Variants in PRKN observed in about 807,000 individuals in gnomAD.
PRKN encodes E3 ubiquitin-protein ligase parkin.
Under a neutral mutation model 59.5 loss-of-function variants are expected in PRKN, and 56 were observed. The observed-to-expected ratio is 0.94, with a 90% CI of 0.76 to 1.18. The LOEUF (loss-of-function observed/expected upper bound fraction) is 1.18. Among genes scored for constraint, PRKN ranks in the 50% most tolerant of loss-of-function variants. PRKN has a pLI of 0.00. For missense variants in PRKN, 657 were observed against 596.4 expected (o/e 1.10, Z -1.06); for synonymous variants, 250 against 222.1 (o/e 1.13, Z -1.12).
At chr6:162,605,486 A>G (rs1781875244) in intron 1 of PRKN, among the ~76,000 whole-genome samples, 1 of 152,150 alleles carries the variant, frequency 6.6e-6, no homozygotes, top group South Asian at 2.1e-4. Flanking sequence ...TTAATTTAAA[A>G]CTAAAATTCT....
chr6:162,403,317 T>A (rs1562736870), intron 2 of PRKN, among the ~76,000 whole-genome samples: 1 of 151,976 alleles, frequency 6.6e-6, no homozygotes, highest in African/African-American at 2.4e-5. Flanking sequence ...ATCTCATTCT[T>A]CCCCATGCAG....
At chr6:161,813,911 T>C (rs1791661589) in intron 6 of PRKN, among the ~76,000 whole-genome samples, 1 of 152,252 alleles carries the variant, frequency 6.6e-6, no homozygotes, top group Admixed American at 6.5e-5. Context: ...TTCATCTTTG[T>C]CATTAAAGCA....
chr6:162,481,677 C>T (rs1014753571), intron 1 of PRKN, among the ~76,000 whole-genome samples: 1 of 152,108 alleles, frequency 6.6e-6, no homozygotes, highest in Non-Finnish European at 1.5e-5. Flanking sequence ...TCTATTAGTC[C>T]TAAGCCATTT....
At chr6:162,558,179 T>G (rs1349772721) in intron 1 of PRKN, among the ~76,000 whole-genome samples, 1 of 152,204 alleles carries the variant, frequency 6.6e-6, no homozygotes, top group Non-Finnish European at 1.5e-5. Flanking sequence ...GTGACTATTA[T>G]GCCATCATCT....
intron 4 of PRKN, among the ~76,000 whole-genome samples, chr6:162,117,692 G>T (rs1054280354): frequency 2.6e-5 from 4 of 152,204 alleles, no homozygotes; most frequent in African/African-American, 9.7e-5. Context: ...TCCCAACACA[G>T]GTTCCAGGCT....
intron 9 of PRKN, among the ~76,000 whole-genome samples, chr6:161,519,371 G>C (rs781270133): frequency 2.0e-5 from 3 of 152,132 alleles, no homozygotes; most frequent in Non-Finnish European, 4.4e-5. Context: ...AAATGCAGAC[G>C]CCAATTACTC....
At chr6:161,993,100 T>C (rs1317759036) in intron 5 of PRKN, among the ~76,000 whole-genome samples, 1 of 151,514 alleles carries the variant, frequency 6.6e-6, no homozygotes, top group Non-Finnish European at 1.5e-5. Context: ...AAAGAAATAA[T>C]AAAGACCAGA....
chr6:162,409,448 C>T (rs560666786), intron 2 of PRKN, among the ~76,000 whole-genome samples: 2 of 152,076 alleles, frequency 1.3e-5, no homozygotes, highest in Admixed American at 6.6e-5. Flanking sequence ...TGCACCACCA[C>T]GCCCAGACCC....
intron 4 of PRKN, among the ~76,000 whole-genome samples, chr6:162,191,012 G>A (rs531013227): frequency 1.3e-5 from 2 of 152,142 alleles, no homozygotes; most frequent in Non-Finnish European, 2.9e-5. Flanking sequence ...GAGAAAAGTA[G>A]CATTTCACAC....
chr6:161,968,342 G>A (rs1210630075), intron 6 of PRKN, among the ~76,000 whole-genome samples: 1 of 151,944 alleles, frequency 6.6e-6, no homozygotes, highest in Non-Finnish European at 1.5e-5. Flanking sequence ...CCCAGCCTCA[G>A]TGTAGAGTCT....
At position 162,219,319 on chromosome 6, in the gene PRKN, G is replaced by A. The variant is rs567849574; in HGVS notation, c.413-18067C>T. Among the ~76,000 whole-genome samples the A allele has an allele frequency of 2.0e-5, 3 of 152,240 alleles. No individual in the cohort carries two copies. In the South Asian group the frequency reaches 6.2e-4, roughly 32 times the overall value. ...GTCAAACACTTCTTTATCTAATACT[G>A]CATAGGTGACTCCCTGTCTAGAAAA... On this transcript the variant is annotated intron_variant, in intron 3 of 11. Transcript: ENST00000366898.
rs184214120 is a variant in PRKN at position 162,345,565 on chromosome 6, G to A, written c.172-82800C>T. The stretch of plus-strand genomic sequence containing the variant: ...TTTTGTCAAGTTATTCACAAAGGCC[G>A]TATAAATCTTTTGTTAGATTATTCC... On this transcript the variant is annotated intron_variant, in intron 2 of 11. Coordinates refer to ENST00000366898, the MANE Select transcript of PRKN (RefSeq NM_004562.3). 2.4e-3 allele frequency among the ~76,000 whole-genome samples: 365 copies of A among 152,258 alleles called. 3 individuals are homozygous for A. Among genetic ancestry groups the A allele is most frequent in the South Asian group, 0.014 (67 of 4,822 alleles).
In PRKN at chr6:161,576,877, C is replaced by A. The variant is rs1781149816; in HGVS notation, c.872-7461G>T. Among the ~76,000 whole-genome samples, 1 of 152,112 alleles carries A rather than the reference C, an allele frequency of 6.6e-6. No individual in the cohort carries two copies. Among genetic ancestry groups the A allele is most frequent in the Non-Finnish European group, 1.5e-5 (1 of 68,038 alleles). The stretch of plus-strand genomic sequence containing the variant: ...TATCAAAACAGGTAAATCTCAAAAT[C>A]ATAAAGTTGAGAAAAAAGTTGCAAT... On this transcript the variant is annotated intron_variant, in intron 7 of 11. Transcript: ENST00000366898. The surrounding 1 kb of genome is among the most constrained non-coding windows in gnomAD (Gnocchi z 4.6).
At chr6:162,612,110 G>C (rs902378617) in intron 1 of PRKN, among the ~76,000 whole-genome samples, 6 of 149,936 alleles carry the variant, frequency 4.0e-5, no homozygotes, top group African/African-American at 1.5e-4. Context: ...GGAGAATGGC[G>C]TGAACCCGGG....
chr6:162,384,639 T>C (rs1471899735), intron 2 of PRKN, among the ~76,000 whole-genome samples: 3 of 134,650 alleles, frequency 2.2e-5, no homozygotes, highest in Non-Finnish European at 4.6e-5. Flanking sequence ...CCACAAAGCT[T>C]CAATTTGTAA....
At chr6:161,543,461 A>T in intron 9 of PRKN, among the ~76,000 whole-genome samples, 1 of 152,170 alleles carries the variant, frequency 6.6e-6, no homozygotes, top group East Asian at 1.9e-4. Flanking sequence ...GGGTCCATGC[A>T]AGTGAGGAGC....
chr6:161,495,274 G>A (rs1429683557), intron 9 of PRKN, among the ~76,000 whole-genome samples: 1 of 152,072 alleles, frequency 6.6e-6, no homozygotes, highest in Non-Finnish European at 1.5e-5. Context: ...TGCATTGCCC[G>A]GCATATCCTA....
At position 161,548,890 on chromosome 6, in the gene PRKN, T is replaced by C; in HGVS notation, c.1047A>G (p.Lys349=). 4 of 1,614,126 alleles carry C rather than the reference T, an allele frequency of 2.5e-6. No homozygotes were observed. The highest frequency in any genetic ancestry group is 3.4e-6 in the Non-Finnish European group (4 of 1,180,014). ...GGCCATTGCCCCCTTCGCAGGTGACTTTCCTCTGGTCAGGCTCCGGCAGCA... is the reference window on the plus strand; with the variant it reads ...GGCCATTGCCCCCTTCGCAGGTGACCTTCCTCTGGTCAGGCTCCGGCAGCA... ...AGLLPEPDQR[K]VTCEGGNGLG... is the part of the protein sequence containing the mutation. Residue 349 remains lysine (K), a synonymous_variant, in exon 9 of 12, where the codon AAA becomes AAG. Coordinates refer to ENST00000366898, the MANE Select transcript of PRKN (RefSeq NM_004562.3). The surrounding 1 kb of genome is among the most constrained non-coding windows in gnomAD (Gnocchi z 4.2).
chr6:161,517,049 T>G (rs189362094), intron 9 of PRKN, among the ~76,000 whole-genome samples: 1 of 152,162 alleles, frequency 6.6e-6, no homozygotes, highest in African/African-American at 2.4e-5. Context: ...AGTAATAGTG[T>G]TGATTTCAAC....
Sources: allele counts gnomAD v4.1 joint callset (sites outside exome capture counted in the v4.1 genomes callset), GRCh38; gene constraint gnomAD v4.1.1; non-coding constraint Gnocchi (gnomAD v3.1); transcripts MANE v1.5; gene names NCBI Gene and HGNC (gene_info 2026-07-23, HGNC 2026-07-21).